Variants in COL22A1 observed in about 807,000 individuals in gnomAD.
The protein encoded by COL22A1 is collagen type XXII alpha 1 chain, also known as collagen alpha-1(XXII) chain.
Under a neutral mutation model 248.9 loss-of-function variants are expected in COL22A1, and 221 were observed. The observed-to-expected ratio is 0.89, with a 90% CI of 0.80 to 0.99. The LOEUF is 0.99. Ranked by LOEUF, COL22A1 falls within the 50% of genes least tolerant of loss-of-function variation. The pLI is 0.00. For missense variants in COL22A1, 2,240 were observed against 2,179.0 expected (o/e 1.03, Z -0.56); for synonymous variants, 891 against 793.4 (o/e 1.12, Z -2.07).
intron 62 of COL22A1, 37 bp downstream of exon 62, chr8:138,596,867 C>A: frequency 6.3e-7 from 1 of 1,593,674 alleles, no homozygotes; most frequent in Non-Finnish European, 8.6e-7. Context: ...TTCCTGGGCT[C>A]TTCTCTGCAA....
intron 12 of COL22A1, among the ~76,000 whole-genome samples, chr8:138,786,625 G>T (rs576006708): frequency 6.6e-6 from 1 of 152,304 alleles, no homozygotes; most frequent in African/African-American, 2.4e-5. Context: ...AGAAAGTTAG[G>T]CTGGGCACAG....
chr8:138,646,121 C>T (rs1822184852), intron 47 of COL22A1, among the ~76,000 whole-genome samples: 1 of 152,148 alleles, frequency 6.6e-6, no homozygotes, highest in African/African-American at 2.4e-5. Flanking sequence ...TCAGGCTGTC[C>T]TCCCTGGCTT....
intron 1 of COL22A1, among the ~76,000 whole-genome samples, chr8:138,897,812 C>T (rs74971452): frequency 2.4e-4 from 36 of 149,198 alleles, no homozygotes; most frequent in Admixed American, 4.7e-4. Context: ...AAAAAAAAAA[C>T]GGCTGAACTA....
intron 22 of COL22A1, among the ~76,000 whole-genome samples, chr8:138,749,697 C>T (rs1177898621): frequency 6.6e-6 from 1 of 152,200 alleles, no homozygotes; most frequent in East Asian, 1.9e-4. Flanking sequence ...AGGTAACTTG[C>T]AAGGGTCACA....
intron 20 of COL22A1, 81 bp downstream of exon 20, chr8:138,755,401 C>T: frequency 2.0e-6 from 3 of 1,471,296 alleles, no homozygotes; most frequent in South Asian, 1.1e-5. Context: ...CATCTGAGTT[C>T]AGCCTGAGAT....
At chr8:138,733,175 G>C (rs891561634) in intron 23 of COL22A1, among the ~76,000 whole-genome samples, 2 of 152,128 alleles carry the variant, frequency 1.3e-5, no homozygotes, top group African/African-American at 4.8e-5. Flanking sequence ...ACTTTGTCCT[G>C]AGCACAGCAC....
chr8:138,826,901 A>G (rs1819630376), intron 5 of COL22A1, 120 bp from the exon 6 acceptor site: 1 of 1,232,916 alleles, frequency 8.1e-7, no homozygotes, highest in Admixed American at 2.1e-5. Flanking sequence ...AAATATTTCC[A>G]CCATCCACCT....
At chr8:138,675,801 G>C (rs1395654196) in intron 41 of COL22A1, among the ~76,000 whole-genome samples, 1 of 152,206 alleles carries the variant, frequency 6.6e-6, no homozygotes, top group Non-Finnish European at 1.5e-5. Context: ...AGAATTAAAA[G>C]CAGTGGGTGG....
chr8:138,735,534 A>C (rs921138696), intron 23 of COL22A1, among the ~76,000 whole-genome samples: 2 of 152,210 alleles, frequency 1.3e-5, no homozygotes, highest in African/African-American at 4.8e-5. Flanking sequence ...AGGGGGAAAA[A>C]TTATAGCTTA....
intron 1 of COL22A1, among the ~76,000 whole-genome samples, chr8:138,902,772 ACACACACACACACT>A (rs1421082354): frequency 6.6e-5 from 10 of 150,886 alleles, no homozygotes; most frequent in Non-Finnish European, 1.2e-4. Context: ...ACACACACAC[ACACACACACACACT>A]AGAACTGACT....
At chr8:138,732,468 C>G (rs112571235) in intron 23 of COL22A1, among the ~76,000 whole-genome samples, 2,953 of 152,350 alleles carry the variant, frequency 0.019, 79 homozygotes, top group African/African-American at 0.065. Context: ...CTCAGAGCCT[C>G]ATTCCAGCTG....
chr8:138,676,411 G>GAA (rs1554744006), intron 41 of COL22A1, 147 bp downstream of exon 41: 3 of 300,584 alleles, frequency 1.0e-5, no homozygotes, highest in Admixed American at 1.1e-4. Context: ...AAAAAAGAAA[G>GAA]AAAAAGAAAG....
At position 138,878,305 on chromosome 8, in the gene COL22A1, C is replaced by T. The variant is rs779804647; in HGVS notation, c.103G>A (p.Val35Ile). ...CQAQRAGCKS[V>I]HYDLVFLLDT... Reference sequence around the variant, plus strand: ...AGGAGGAAGACCAGATCGTAGTGGACACTTTTGCAACCTGCAGGGGTGAGA... The same window carrying T: ...AGGAGGAAGACCAGATCGTAGTGGATACTTTTGCAACCTGCAGGGGTGAGA... The change falls in exon 3 of 65, where the codon GTC becomes ATC. Residue 35 changes from valine to isoleucine, a missense_variant. Transcript: ENST00000303045. 6 of 1,549,794 alleles carry T rather than the reference C, an allele frequency of 3.9e-6. No individual in the cohort carries two copies. The highest frequency in any genetic ancestry group is 4.4e-6 in the Non-Finnish European group (5 of 1,145,898).
chr8:138,601,103 G>A (rs1266227129), intron 60 of COL22A1, among the ~76,000 whole-genome samples: 2 of 151,878 alleles, frequency 1.3e-5, no homozygotes, highest in Non-Finnish European at 2.9e-5. Flanking sequence ...TGAGTTCCTT[G>A]GCTCTCAACC....
chr8:138,755,554 G>T (rs779723544), intron 19 of COL22A1, 43 bp from the exon 20 acceptor site: 11 of 1,608,250 alleles, frequency 6.8e-6, no homozygotes, highest in Non-Finnish European at 9.4e-6. Context: ...TGGCATTTCC[G>T]CAACCACAGT....
intron 3 of COL22A1, among the ~76,000 whole-genome samples, chr8:138,847,344 T>C (rs1821317071): frequency 6.6e-6 from 1 of 152,228 alleles, no homozygotes; most frequent in South Asian, 2.1e-4. Context: ...CTGAGAGTAT[T>C]TCATGGGCCC....
chr8:138,844,012 G>T, intron 4 of COL22A1, 72 bp downstream of exon 4: 1 of 1,345,988 alleles, frequency 7.4e-7, no homozygotes, highest in Non-Finnish European at 1.1e-6. Context: ...CCCCTGAATT[G>T]ACTAGGGTCA....
At chr8:138,874,790 C>G (rs1028634239) in intron 3 of COL22A1, among the ~76,000 whole-genome samples, 2 of 152,200 alleles carry the variant, frequency 1.3e-5, no homozygotes, top group African/African-American at 4.8e-5. Context: ...CATGCAAGAG[C>G]AGATACGGGG....
chr8:138,739,936 C>A (rs1178613535), intron 22 of COL22A1, among the ~76,000 whole-genome samples: 8 of 152,152 alleles, frequency 5.3e-5, no homozygotes, highest in Non-Finnish European at 1.0e-4. Context: ...AGGTAGAATT[C>A]AAGATGTGGT....
Sources: gnomAD v4.1 joint callset for allele counts (sites outside exome capture counted in the v4.1 genomes callset) on GRCh38, gnomAD v4.1.1 for gene constraint, MANE v1.5 for transcripts, NCBI Gene and HGNC (gene_info 2026-07-23, HGNC 2026-07-21) for gene names.